APLP1: variants seen among roughly 807,000 people sequenced by gnomAD.
APLP1 encodes amyloid beta precursor like protein 1.
A neutral mutation model predicts 84.5 loss-of-function variants in APLP1; 46 were observed. The ratio of observed to expected loss-of-function variants is 0.54; its 90% CI spans 0.43 to 0.70. The LOEUF is 0.70. APLP1 is among the 30% of genes least tolerant of loss of function. The pLI, the probability that APLP1 is intolerant of heterozygous loss-of-function variation, is 0.00. For synonymous variants in APLP1, 376 were observed against 364.0 expected (o/e 1.03, Z -0.38); for missense variants, 826 against 900.2 (o/e 0.92, Z 1.05).
rs936912404 is a variant in APLP1 at position 35,874,029 on chromosome 19, A to C, written c.1056+316A>C. Among the ~76,000 whole-genome samples, 2 of 152,044 alleles carry C rather than the reference A, an allele frequency of 1.3e-5. No individual in the cohort carries two copies. The highest frequency in any genetic ancestry group is 2.9e-5 in the Non-Finnish European group (2 of 68,008). On this transcript the variant is annotated intron_variant, in intron 8 of 16. Transcript: ENST00000221891. The surrounding 1 kb of genome is among the most constrained non-coding windows in gnomAD (Gnocchi z 6.4). ...GGCCTTCTTGGTCTCTCTTTGATGCATTTATGTCTCTATCAGGCCCCGCCC... is the reference window on the plus strand; with the variant it reads ...GGCCTTCTTGGTCTCTCTTTGATGCCTTTATGTCTCTATCAGGCCCCGCCC...
chr19:35,869,398 G>T (rs535323996), intron 1 of APLP1: 1 of 632,690 alleles, frequency 1.6e-6, no homozygotes, highest in African/African-American at 1.9e-5. Flanking sequence ...GCTCCAGAGC[G>T]GCTGCGCTGG....
chr19:35,869,371 AGGTT>A, intron 1 of APLP1: 1 of 579,674 alleles, frequency 1.7e-6, no homozygotes, highest in Non-Finnish European at 3.0e-6. Context: ...TCCGCGATTC[AGGTT>A]TAACCCCTTC....
Position 35,871,018 on chromosome 19 carries a change from C to A in APLP1, c.414C>A (p.Phe138Leu). Residue 138 changes from phenylalanine (F) to leucine (L), a missense_variant, in exon 3 of 17, where the codon TTC (phenylalanine) becomes TTA (leucine). Transcript: ENST00000221891. ...ACCCCCACCACCAGGTTGTGCCCTT[C>A]CGCTGCCTGCGTGAGTCCCAGGCGG... ...CAHPHHQVVP[F>L]RCLPGEFVSE... 1.3e-6 allele frequency: 2 copies of A among 1,531,954 alleles called. No homozygotes were observed. Among genetic ancestry groups the A allele is most frequent in the South Asian group, 1.3e-5 (1 of 79,548 alleles). 94.9% of individuals were successfully genotyped at this position (1,531,954 alleles called of 1,614,324 possible).
At chr19:35,871,394 A>G (rs775127071) in intron 4 of APLP1, 45 bp downstream of exon 4, 1 of 1,529,012 alleles carries the variant, frequency 6.5e-7, no homozygotes, top group Non-Finnish European at 8.9e-7. Context: ...CAACCCAGGA[A>G]CTGGGACCTC....
At chr19:35,871,091 C>T in intron 3 of APLP1, 63 bp downstream of exon 3, 27 of 1,501,658 alleles carry the variant, frequency 1.8e-5, no homozygotes, top group Non-Finnish European at 2.4e-5. Context: ...GGTTCTGAGC[C>T]CCTCTCTCAG....
chr19:35,878,915 TC>T lies in APLP1; in HGVS notation c.1679del (p.Pro560LeufsTer28). 1 of 1,614,066 alleles carries T rather than the reference TC, an allele frequency of 6.2e-7. No individual in the cohort carries two copies. Among genetic ancestry groups the T allele is most frequent in the Non-Finnish European group, 8.5e-7 (1 of 1,179,990 alleles). ...RKVNASVPRGFPFHSSEIQRD... is the reference protein window; with the variant it reads ...RKVNASVPRGXPFHSSEIQRD... ...GTGAATGCGTCTGTTCCAAGGGGTTTCCCTTTCCACTCATCGGAGATTCAGA... is the reference window on the plus strand; with the variant it reads ...GTGAATGCGTCTGTTCCAAGGGGTTTCCTTTCCACTCATCGGAGATTCAGA... On this transcript the variant is annotated frameshift_variant, in exon 15 of 17. Coordinates refer to ENST00000221891, the MANE Select transcript of APLP1 (RefSeq NM_001024807.3). LOFTEE classifies it high-confidence loss of function.
intron 4 of APLP1, 102 bp from the exon 5 acceptor site, chr19:35,871,510 T>C: frequency 1.4e-6 from 2 of 1,479,930 alleles, no homozygotes; most frequent in Non-Finnish European, 9.3e-7. Flanking sequence ...GAAGCAGGAA[T>C]CCAGGCTCCC....
intron 6 of APLP1, among the ~76,000 whole-genome samples, 193 bp downstream of exon 6, chr19:35,872,229 C>T (rs2146905405): frequency 6.6e-6 from 1 of 151,920 alleles, no homozygotes; most frequent in South Asian, 2.1e-4. Context: ...TTTGGGGGTA[C>T]TTGGGAGTAG....
In APLP1 at chr19:35,874,679, G is replaced by A. The variant is rs1974238074; in HGVS notation, c.1215+17G>A. ...CCGCCTCAGGTGCGGGGACCGTGGG[G>A]GCAGAGAGCAGAGGGTGAGAAGGGT... On this transcript the variant is annotated intron_variant, in intron 9 of 16. Transcript: ENST00000221891. This position sits in a 1 kb window ranked among gnomAD's most constrained non-coding sequence, Gnocchi z 6.4. The A allele has an allele frequency of 2.5e-6, 4 of 1,613,190 alleles. No individual in the cohort carries two copies. The highest frequency in any genetic ancestry group is 1.7e-5 in the Admixed American group (1 of 59,990).
chr19:35,869,045 C>G (rs749681356), intron 1 of APLP1: 7 of 345,990 alleles, frequency 2.0e-5, no homozygotes, highest in East Asian at 4.6e-5. Flanking sequence ...CTCTCCAGAC[C>G]CAGGTGACTC....
rs775609998 is a variant in APLP1, at chr19:35,871,641, C to T, written c.567C>T (p.His189=). The part of the protein sequence containing the change: ...EACSSQGLIL[H]GSGMLLPCGS... ...GCAGCTCCCAGGGCCTCATCCTGCA[C>T]GGCTCGGGCATGCTCTTACCCTGTG... is the stretch of plus-strand genomic sequence containing the variant. The change falls in exon 5 of 17, where the codon CAC becomes CAT. Residue 189 remains histidine (H), a synonymous_variant. Coordinates refer to ENST00000221891, the MANE Select transcript of APLP1 (RefSeq NM_001024807.3). 53 of 1,613,878 alleles carry T rather than the reference C, an allele frequency of 3.3e-5. 1 individual carries two copies. The highest frequency in any genetic ancestry group is 3.7e-5 in the Non-Finnish European group (44 of 1,179,980).
intron 1 of APLP1, 86 bp from the exon 2 acceptor site, chr19:35,869,581 G>A (rs1219846463): frequency 1.3e-6 from 2 of 1,539,350 alleles, no homozygotes; most frequent in Admixed American, 3.9e-5. Context: ...CTGGTGCTGG[G>A]GGTCTCGGTC....
Position 35,874,402 on chromosome 19 carries a change from G to A in APLP1, c.1057-102G>A. The A allele has an allele frequency of 6.9e-7, 1 of 1,443,450 alleles. No homozygotes were observed. The highest frequency in any genetic ancestry group is 9.5e-7 in the Non-Finnish European group (1 of 1,047,490). 89.4% of individuals were successfully genotyped at this position (1,443,450 alleles called of 1,614,324 possible). On this transcript the variant is annotated intron_variant, in intron 8 of 16. Coordinates refer to ENST00000221891, the MANE Select transcript of APLP1 (RefSeq NM_001024807.3). The surrounding 1 kb of genome is among the most constrained non-coding windows in gnomAD (Gnocchi z 6.4). ...GGTTCTGCCCAGGCCTGGACCCCTG[G>A]AACGCCCCCCAACCCCATGTAGCCC...
Position 35,877,723 on chromosome 19 carries a change from C to T in APLP1, c.1450C>T (p.Leu484Phe). 6.2e-7 allele frequency: 1 copy of T among 1,611,908 alleles called. No individual in the cohort carries two copies. ...AQELRPQIQE[L>F]LHSEHLGPSE... ...TTTCTGCATGTCCCCCTCAGAGGAA[C>T]TCCTCCACTCTGAACACCTGGGTCC... The change falls in exon 12 of 17, where the codon CTC becomes TTC. Residue 484 changes from leucine to phenylalanine, a missense_variant. This residue lies in a region of APLP1 where 433 missense variants were observed against 496.5 expected (regional missense o/e 0.87). Transcript: ENST00000221891.
chr19:35,872,134 G>A lies in APLP1; in HGVS notation c.850+98G>A, dbSNP rs1974170898. On this transcript the variant is annotated intron_variant, in intron 6 of 16. Coordinates refer to ENST00000221891, the MANE Select transcript of APLP1 (RefSeq NM_001024807.3). Reference sequence around the variant, plus strand: ...GGTGTCTTTGGGAGGGGCCTATAGGGGAAAGGCCCAACTGAGGAGAAAAGA... The same window carrying A: ...GGTGTCTTTGGGAGGGGCCTATAGGAGAAAGGCCCAACTGAGGAGAAAAGA... 2.2e-6 allele frequency: 3 copies of A among 1,395,166 alleles called. No individual in the cohort carries two copies. The South Asian group carries it at 4.1e-5, about 19-fold the overall frequency. 86.4% of individuals were successfully genotyped at this position (1,395,166 alleles called of 1,614,324 possible).
Position 35,879,382 on chromosome 19 carries a change from G to C in APLP1, c.1897G>C (p.Glu633Gln), listed in dbSNP as rs147200750. The C allele has an allele frequency of 1.5e-5, 24 of 1,613,832 alleles. No individual in the cohort carries two copies. The African/African-American group carries it at 3.2e-4, about 22-fold the overall frequency. Residue 633 changes from glutamate (E) to glutamine (Q), a missense_variant, in exon 17 of 17, where the codon GAA becomes CAA. Glu to Gln is a conservative substitution (Grantham distance 29, BLOSUM62 2). Coordinates refer to ENST00000221891, the MANE Select transcript of APLP1 (RefSeq NM_001024807.3). ...MLTLEEQQLRELQRHGYENPT... is the reference protein window; with the variant it reads ...MLTLEEQQLRQLQRHGYENPT... ...GACCCTGGAGGAGCAGCAGCTCCGC[G>C]AACTGCAGCGGCACGGCTATGAGAA...
rs368972333 is a variant in APLP1 at position 35,879,336 on chromosome 19, G to C, written c.1858-7G>C. 6.8e-6 allele frequency: 11 copies of C among 1,613,654 alleles called. No homozygotes were observed. Among genetic ancestry groups the C allele is most frequent in the East Asian group, 6.7e-5 (3 of 44,882 alleles). On this transcript the variant is annotated splice_polypyrimidine_tract_variant and splice_region_variant and intron_variant, in intron 16 of 16. Coordinates refer to ENST00000221891, the MANE Select transcript of APLP1 (RefSeq NM_001024807.3). ...ACACTGTCCTTTCCCTCCCCTGCTCGTTGCAGGTGGACCCCATGCTGACCC... is the reference window on the plus strand; with the variant it reads ...ACACTGTCCTTTCCCTCCCCTGCTCCTTGCAGGTGGACCCCATGCTGACCC...
In APLP1 at chr19:35,871,349, G is replaced by T; in HGVS notation, c.537G>T (p.Glu179Asp). 1 of 1,606,524 alleles carries T rather than the reference G, an allele frequency of 6.2e-7. No homozygotes were observed. The highest frequency in any genetic ancestry group is 8.5e-7 in the Non-Finnish European group (1 of 1,176,726). ...CCCGGAGGCATCAGGAGGCACAGGA[G>T]GTCAGGACGTTGGCCCACCCGTCCC... ...SSTRRHQEAQ[E>D]ACSSQGLILH... is the part of the protein sequence containing the mutation. The change falls in exon 4 of 17, where the codon GAG (glutamate) becomes GAT (aspartate). Residue 179 changes from glutamate (E) to aspartate (D), a missense_variant and splice_region_variant. By Grantham distance (45) the Glu-to-Asp change is conservative. Around this residue, in one of 3 missense-constraint regions of APLP1, gnomAD observed 383 missense variants for 378.3 expected, o/e 1.01. Transcript: ENST00000221891.
chr19:35,878,825 G>T, intron 14 of APLP1, 65 bp from the exon 15 acceptor site: 1 of 1,594,272 alleles, frequency 6.3e-7, no homozygotes, highest in South Asian at 1.1e-5. Context: ...ACGCTCTCTT[G>T]GGCCCTTGGG....
Sources: gnomAD v4.1 joint callset for allele counts (sites outside exome capture counted in the v4.1 genomes callset) on GRCh38, gnomAD v4.1.1 for gene constraint, gnomAD v4.1.1 regional missense constraint, Gnocchi (gnomAD v3.1) non-coding constraint, MANE v1.5 for transcripts, NCBI Gene and HGNC (gene_info 2026-07-23, HGNC 2026-07-21) for gene names.